ZFHX3: variants seen among roughly 807,000 people sequenced by gnomAD.
The protein encoded by ZFHX3 is zinc finger homeobox 3.
Under a neutral mutation model 279.1 loss-of-function variants are expected in ZFHX3, and 42 were observed. The ratio of observed to expected loss-of-function variants is 0.15; its 90% CI spans 0.12 to 0.19. The LOEUF (loss-of-function observed/expected upper bound fraction) is 0.19. ZFHX3 is among the 10% of genes least tolerant of loss of function. The pLI is 1.00. For missense variants in ZFHX3, 4,981 were observed against 4,754.0 expected (o/e 1.05, Z -1.40); for synonymous variants, 2,293 against 1,957.8 (o/e 1.17, Z -4.52).
At chr16:73,725,704 A>G (rs2142242740) in intron 1 of ZFHX3, among the ~76,000 whole-genome samples, 1 of 152,296 alleles carries the variant, frequency 6.6e-6, no homozygotes, top group Non-Finnish European at 1.5e-5. Context: ...CAACTCAGCA[A>G]CTGTTTAGAA....
chr16:73,526,221 C>T (rs903146947), intron 2 of ZFHX3, among the ~76,000 whole-genome samples: 2 of 152,190 alleles, frequency 1.3e-5, no homozygotes, highest in African/African-American at 4.8e-5. Flanking sequence ...TCCTCACTTC[C>T]GCCATCATGG....
chr16:73,680,773 T>C (rs943366290), intron 1 of ZFHX3, among the ~76,000 whole-genome samples: 2 of 152,202 alleles, frequency 1.3e-5, no homozygotes, highest in African/African-American at 4.8e-5. Flanking sequence ...ATAAAAATGG[T>C]GAATCTTAAA....
chr16:73,569,021 G>C (rs2020492415), intron 2 of ZFHX3, among the ~76,000 whole-genome samples: 1 of 152,062 alleles, frequency 6.6e-6, no homozygotes. Flanking sequence ...GTCACAGGCT[G>C]TTTCAATTAA....
intron 2 of ZFHX3, among the ~76,000 whole-genome samples, chr16:73,595,002 A>C (rs1218595065): frequency 6.6e-6 from 1 of 152,200 alleles, no homozygotes; most frequent in Non-Finnish European, 1.5e-5. Context: ...GTCCCTGCAC[A>C]GGTCTCTAAG....
At chr16:72,926,009 G>T (rs1209069877) in intron 3 of ZFHX3, among the ~76,000 whole-genome samples, 1 of 152,180 alleles carries the variant, frequency 6.6e-6, no homozygotes, top group East Asian at 1.9e-4. Context: ...GCAGGTAACT[G>T]AGACCTATTT....
At chr16:73,065,606 T>TGC (rs1310804848) in intron 8 of ZFHX3, among the ~76,000 whole-genome samples, 3 of 145,536 alleles carry the variant, frequency 2.1e-5, no homozygotes, top group Non-Finnish European at 3.1e-5. Context: ...TGTGTGTGTG[T>TGC]GCGTGTGTGT....
chr16:73,669,458 A>C (rs1259835791), intron 2 of ZFHX3, among the ~76,000 whole-genome samples: 6 of 152,234 alleles, frequency 3.9e-5, no homozygotes, highest in Non-Finnish European at 7.3e-5. Flanking sequence ...ACACACCACC[A>C]TATATTCCTG....
rs745461897 is a variant in ZFHX3, at chr16:72,787,417, A to G, written c.10859T>C (p.Val3620Ala). 1 of 1,576,554 alleles carries G rather than the reference A, an allele frequency of 6.3e-7. No individual in the cohort carries two copies. Among genetic ancestry groups the G allele is most frequent in the Admixed American group, 1.7e-5 (1 of 58,300 alleles). Residue 3620 changes from valine to alanine, a missense_variant, in exon 10 of 10, where the codon GTG becomes GCG. Val to Ala is a moderately conservative substitution (Grantham distance 64). Transcript: ENST00000268489. Reference sequence around the variant, plus strand: ...CTTCGCTGCCGAAGCCCGGGAGACCACTTGCGGCCAAGACTTCCTGGAGGC... The same window carrying G: ...CTTCGCTGCCGAAGCCCGGGAGACCGCTTGCGGCCAAGACTTCCTGGAGGC... ...PHASRKSWPQ[V>A]VSRASAAKPP...
intron 4 of ZFHX3, among the ~76,000 whole-genome samples, chr16:72,851,098 T>C (rs1444380888): frequency 6.6e-6 from 1 of 152,054 alleles, no homozygotes; most frequent in Non-Finnish European, 1.5e-5. Context: ...AAAGTGCCAT[T>C]TTTTTCCACA....
intron 2 of ZFHX3, among the ~76,000 whole-genome samples, chr16:73,660,352 T>C (rs1181237706): frequency 6.6e-6 from 1 of 152,232 alleles, no homozygotes; most frequent in Non-Finnish European, 1.5e-5. Context: ...AATTGATTTG[T>C]AGACACAACT....
At chr16:73,352,474 CTTTTT>C (rs35974156) in intron 3 of ZFHX3, among the ~76,000 whole-genome samples, 27 of 53,270 alleles carry the variant, frequency 5.1e-4, no homozygotes, top group African/African-American at 2.2e-3. Flanking sequence ...CTCTCTCTCT[CTTTTT>C]TTTTTTTTTT....
intron 1 of ZFHX3, among the ~76,000 whole-genome samples, chr16:73,868,698 A>C (rs1281109957): frequency 6.6e-6 from 1 of 152,108 alleles, no homozygotes; most frequent in Non-Finnish European, 1.5e-5. Flanking sequence ...TATTAACTGA[A>C]ATTTTTTCAC....
At chr16:73,648,442 T>C (rs2052640460) in intron 2 of ZFHX3, among the ~76,000 whole-genome samples, 1 of 152,200 alleles carries the variant, frequency 6.6e-6, no homozygotes, top group Admixed American at 6.5e-5. Context: ...AGGCTGGAGT[T>C]GCAATGGCCC....
chr16:72,951,006 C>T (rs1299096525), intron 2 of ZFHX3, 41 bp from the exon 3 acceptor site: 2 of 1,586,452 alleles, frequency 1.3e-6, no homozygotes, highest in Non-Finnish European at 1.7e-6. Context: ...ACACCAGGCT[C>T]ATGGTCACGG....
At chr16:73,436,324 CA>C (rs201900402) in intron 3 of ZFHX3, among the ~76,000 whole-genome samples, 1,772 of 152,044 alleles carry the variant, frequency 0.012, 16 homozygotes, top group Middle Eastern at 0.024. Flanking sequence ...TCCGTCTCAA[CA>C]AAAAAGAGGT....
chr16:73,084,167 C>A (rs1399469121), intron 8 of ZFHX3, among the ~76,000 whole-genome samples: 1 of 152,136 alleles, frequency 6.6e-6, no homozygotes, highest in Non-Finnish European at 1.5e-5. Context: ...TCAATGAAAG[C>A]CTTTAAGATC....
chr16:73,237,328 C>T (rs1377067262), intron 5 of ZFHX3, among the ~76,000 whole-genome samples: 1 of 152,120 alleles, frequency 6.6e-6, no homozygotes, highest in Non-Finnish European at 1.5e-5. Context: ...TCACTGCAGC[C>T]TTATTCTCCT....
intron 1 of ZFHX3, among the ~76,000 whole-genome samples, chr16:73,045,865 T>C (rs1483885804): frequency 6.7e-6 from 1 of 150,040 alleles, no homozygotes; most frequent in Non-Finnish European, 1.5e-5. Context: ...GGTCTCCAAG[T>C]CACTTAATTC....
intron 5 of ZFHX3, among the ~76,000 whole-genome samples, chr16:73,243,917 T>C (rs1179849289): frequency 1.3e-5 from 2 of 152,204 alleles, no homozygotes; most frequent in African/African-American, 4.8e-5. Context: ...AGTGACATCA[T>C]GGAGGTTCAG....
Sources: gnomAD v4.1 joint callset for allele counts (sites outside exome capture counted in the v4.1 genomes callset) on GRCh38, gnomAD v4.1.1 for gene constraint, MANE v1.5 for transcripts, NCBI Gene and HGNC (gene_info 2026-07-23, HGNC 2026-07-21) for gene names.